CLEC16A: variants seen among roughly 807,000 people sequenced by gnomAD.
The protein encoded by CLEC16A is C-type lectin domain containing 16A, also known as protein CLEC16A.
A neutral mutation model predicts 109.5 loss-of-function variants in CLEC16A; 51 were observed. The observed-to-expected ratio is 0.47, with a 90% CI of 0.37 to 0.59. The LOEUF (loss-of-function observed/expected upper bound fraction) is 0.59. Among genes scored for constraint, CLEC16A ranks in the 20% least tolerant of loss-of-function variants. The probability of loss-of-function intolerance (pLI) is 0.00; values close to 1 mark genes in which losing one functional copy is unlikely to be tolerated. For synonymous variants in CLEC16A, 673 were observed against 564.2 expected (o/e 1.19, Z -2.73); for missense variants, 1,339 against 1,394.0 (o/e 0.96, Z 0.63).
At chr16:10,994,212 C>T (rs1371078783) in intron 10 of CLEC16A, among the ~76,000 whole-genome samples, 1 of 152,222 alleles carries the variant, frequency 6.6e-6, no homozygotes, top group Non-Finnish European at 1.5e-5. Flanking sequence ...TGCATGTTCC[C>T]CACTCCATAG....
chr16:11,113,609 T>C (rs2051753474), intron 19 of CLEC16A, among the ~76,000 whole-genome samples: 1 of 152,130 alleles, frequency 6.6e-6, no homozygotes, highest in Admixed American at 6.5e-5. Flanking sequence ...CAGTAAGCCA[T>C]GATCGCTCCC....
intron 5 of CLEC16A, among the ~76,000 whole-genome samples, chr16:10,971,772 C>T (rs2042801526): frequency 6.6e-6 from 1 of 152,232 alleles, no homozygotes. Flanking sequence ...CCACTCTCCG[C>T]TGCACTGACA....
intron 23 of CLEC16A, among the ~76,000 whole-genome samples, chr16:11,175,089 C>A (rs1235169542): frequency 6.6e-6 from 1 of 152,218 alleles, no homozygotes; most frequent in African/African-American, 2.4e-5. Flanking sequence ...CCTTTTCTTC[C>A]CCACAACACT....
intron 19 of CLEC16A, among the ~76,000 whole-genome samples, chr16:11,108,971 C>T (rs1475261911): frequency 2.6e-5 from 4 of 151,822 alleles, no homozygotes; most frequent in Non-Finnish European, 4.4e-5. Flanking sequence ...ATTAGCCAGG[C>T]GTGGTGGCGG....
intron 19 of CLEC16A, among the ~76,000 whole-genome samples, chr16:11,064,904 G>A (rs1258396122): frequency 6.6e-6 from 1 of 152,254 alleles, no homozygotes; most frequent in Non-Finnish European, 1.5e-5. Flanking sequence ...GGAGTTGGCT[G>A]CTTCCCTGCT....
chr16:11,095,545 C>A (rs1446139582), intron 19 of CLEC16A, among the ~76,000 whole-genome samples: 1 of 152,216 alleles, frequency 6.6e-6, no homozygotes, highest in East Asian at 1.9e-4. Context: ...GGCACGATGG[C>A]TCACGCCTGT....
intron 14 of CLEC16A, chr16:11,040,560 T>G (rs937607328): frequency 2.2e-5 from 3 of 135,312 alleles, no homozygotes; most frequent in African/African-American, 8.9e-5. Flanking sequence ...TCACCTGGGC[T>G]GGAGTGTAAT....
At chr16:11,143,478 C>G (rs909077236) in intron 22 of CLEC16A, among the ~76,000 whole-genome samples, 1 of 152,298 alleles carries the variant, frequency 6.6e-6, no homozygotes, top group East Asian at 1.9e-4. Flanking sequence ...CTTGTAAAAA[C>G]CATGCCACTT....
At position 11,178,647 on chromosome 16, in the gene CLEC16A, A is replaced by T. The variant is rs2068861079; in HGVS notation, c.3119A>T (p.Glu1040Val). Reference protein sequence around the residue: ...PAAACTEPVGEEAACAEPVGT... With the variant: ...PAAACTEPVGVEAACAEPVGT... ...GCCGCCTGCACAGAGCCCGTGGGCG[A>T]AGAGGCTGCATGTGCTGAGCCTGTG... Residue 1040 changes from glutamate (E) to valine (V), a missense_variant, in exon 24 of 24, where the codon GAA (glutamate) becomes GTA (valine). This residue lies in a region of CLEC16A where 1,061 missense variants were observed against 1,006.8 expected (regional missense o/e 1.05). Transcript: ENST00000409790. This position sits in a 1 kb window ranked among gnomAD's most constrained non-coding sequence, Gnocchi z 6.5. The T allele has an allele frequency of 6.4e-7, 1 of 1,570,502 alleles. No homozygotes were observed. Among genetic ancestry groups the T allele is most frequent in the South Asian group, 1.2e-5 (1 of 85,304 alleles).
chr16:11,144,936 T>A (rs1694833020), intron 22 of CLEC16A, among the ~76,000 whole-genome samples: 1 of 152,092 alleles, frequency 6.6e-6, no homozygotes, highest in South Asian at 2.1e-4. Context: ...GTTCATGGTG[T>A]CCTGGGGCTA....
chr16:10,948,106 G>C (rs2041510664), intron 1 of CLEC16A, among the ~76,000 whole-genome samples: 1 of 152,118 alleles, frequency 6.6e-6, no homozygotes, highest in Non-Finnish European at 1.5e-5. Context: ...TGTTAGCCAG[G>C]ATGGTCTCGA....
chr16:11,005,156 CAGT>C, intron 11 of CLEC16A, among the ~76,000 whole-genome samples: 1 of 152,192 alleles, frequency 6.6e-6, no homozygotes, highest in Non-Finnish European at 1.5e-5. Flanking sequence ...CTGTGACTAA[CAGT>C]GGTGTGGATC....
chr16:11,152,981 C>G (rs533587077), intron 22 of CLEC16A, among the ~76,000 whole-genome samples: 49 of 152,192 alleles, frequency 3.2e-4, no homozygotes, highest in African/African-American at 1.1e-3. Context: ...AGAAAGAAAC[C>G]CAAATCTCCA....
Position 11,178,307 on chromosome 16 carries a change from T to G in CLEC16A, c.2807-28T>G. ...GACGGGGTGTCTCAAGGGCTCAGTGTGTTTCCGGTTTTTCTCCCCCAATCC... is the reference window on the plus strand; with the variant it reads ...GACGGGGTGTCTCAAGGGCTCAGTGGGTTTCCGGTTTTTCTCCCCCAATCC... On this transcript the variant is annotated intron_variant, in intron 23 of 23. Transcript: ENST00000409790. The surrounding 1 kb of genome is among the most constrained non-coding windows in gnomAD (Gnocchi z 6.5). 6.4e-7 allele frequency: 1 copy of G among 1,574,378 alleles called. No individual in the cohort carries two copies.
rs1009756932 is a variant in CLEC16A at position 10,994,875 on chromosome 16, A to T, written c.1072-8199A>T. The stretch of plus-strand genomic sequence containing the variant: ...TAGTCTTTACATCAGTGCTCCCGGG[A>T]GGCTGGCCCAACGTTGGGAGGTGCA... On this transcript the variant is annotated intron_variant, in intron 10 of 23. Transcript: ENST00000409790. 1.9e-4 allele frequency among the ~76,000 whole-genome samples: 29 copies of T among 152,204 alleles called. No homozygotes were observed. The Middle Eastern group carries it at 0.01, about 54-fold the overall frequency.
rs541974460 is a variant in CLEC16A, at chr16:11,022,593, C to T, written c.1437-2228C>T. On this transcript the variant is annotated intron_variant, in intron 12 of 23. Coordinates refer to ENST00000409790, the MANE Select transcript of CLEC16A (RefSeq NM_015226.3). ...CCATATATTATGGGCTCTGTCTGCA[C>T]TGGGGGTTAAATATAGGCCTAAGAG... Among the ~76,000 whole-genome samples, 7 of 152,038 alleles carry T rather than the reference C, an allele frequency of 4.6e-5. No homozygotes were observed. The East Asian group carries it at 1.4e-3, about 29-fold the overall frequency.
intron 11 of CLEC16A, among the ~76,000 whole-genome samples, chr16:11,009,665 AC>A (rs1338608103): frequency 6.6e-6 from 1 of 152,194 alleles, no homozygotes; most frequent in African/African-American, 2.4e-5. Context: ...TGGCATGGGA[AC>A]TGATACTGTG....
At chr16:11,138,323 G>T (rs1055310372) in intron 22 of CLEC16A, among the ~76,000 whole-genome samples, 3 of 152,216 alleles carry the variant, frequency 2.0e-5, no homozygotes, top group African/African-American at 7.2e-5. Context: ...TGTGGCTGCA[G>T]GGTAGGGATG....
intron 23 of CLEC16A, among the ~76,000 whole-genome samples, chr16:11,177,662 G>A (rs976871102): frequency 1.3e-5 from 2 of 151,894 alleles, no homozygotes; most frequent in African/African-American, 4.8e-5. Flanking sequence ...ACTGCGTTGG[G>A]TGGAACCTCA....
Sources: allele counts gnomAD v4.1 joint callset (sites outside exome capture counted in the v4.1 genomes callset), GRCh38; gene constraint gnomAD v4.1.1; regional missense constraint gnomAD v4.1.1; non-coding constraint Gnocchi (gnomAD v3.1); transcripts MANE v1.5; gene names NCBI Gene and HGNC (gene_info 2026-07-23, HGNC 2026-07-21).